Variants in BMP6 observed in about 807,000 individuals in gnomAD.
BMP6 encodes the protein bone morphogenetic protein 6.
A neutral mutation model predicts 54.1 loss-of-function variants in BMP6; 17 were observed. The observed-to-expected ratio is 0.31, with a 90% CI of 0.22 to 0.47. The LOEUF is 0.47. BMP6 is among the 20% of genes least tolerant of loss of function. The pLI, the probability that BMP6 is intolerant of heterozygous loss-of-function variation, is 1.00. For synonymous variants in BMP6, 328 were observed against 291.2 expected (o/e 1.13, Z -1.28); for missense variants, 720 against 690.4 (o/e 1.04, Z -0.48).
chr6:7,840,852 G>A (rs866604008), intron 1 of BMP6, among the ~76,000 whole-genome samples: 1 of 152,158 alleles, frequency 6.6e-6, no homozygotes, highest in South Asian at 2.1e-4. Flanking sequence ...GCATTCAGGA[G>A]CCAGCCACCA....
chr6:7,835,245 C>G (rs1296137444), intron 1 of BMP6, among the ~76,000 whole-genome samples: 1 of 152,192 alleles, frequency 6.6e-6, no homozygotes, highest in Non-Finnish European at 1.5e-5. Context: ...GCCTCAGCCT[C>G]CCGAGTAGCT....
In BMP6 at chr6:7,880,920, G is replaced by C. The variant is rs537618143; in HGVS notation, c.*577G>C. On this transcript the variant is annotated 3_prime_UTR_variant, in exon 7 of 7. Transcript: ENST00000283147. ...TCATTGCTGTTGTATGTTCGTGCTG[G>C]AGTTTTGTTGGTGTGAAAATACACT... is the stretch of plus-strand genomic sequence containing the variant. The C allele has an allele frequency of 6.5e-6, 1 of 154,706 alleles. No homozygotes were observed. Among genetic ancestry groups the C allele is most frequent in the South Asian group, 2.0e-4 (1 of 4,976 alleles). 9.6% of individuals were successfully genotyped at this position (154,706 alleles called of 1,614,324 possible). A position where few individuals can be genotyped will look rare whatever the true frequency, so the allele number is the denominator to read the frequency against.
intron 4 of BMP6, among the ~76,000 whole-genome samples, chr6:7,877,476 A>G (rs1759638867): frequency 6.6e-6 from 1 of 152,054 alleles, no homozygotes; most frequent in Non-Finnish European, 1.5e-5. Flanking sequence ...ACAAAAAATT[A>G]GCTGGGCATG....
chr6:7,837,881 T>G lies in BMP6; in HGVS notation c.665-7259T>G, dbSNP rs573996698. Among the ~76,000 whole-genome samples, 7 of 152,206 alleles carry G rather than the reference T, an allele frequency of 4.6e-5. No individual in the cohort carries two copies. The East Asian group carries it at 1.4e-3, about 29-fold the overall frequency. On this transcript the variant is annotated intron_variant, in intron 1 of 6. Coordinates refer to ENST00000283147, the MANE Select transcript of BMP6 (RefSeq NM_001718.6). ...TCTAGAAAACAGACTTAAAAAGAAA[T>G]AGGTTCAATATTTCTATGTTTAAAG...
intron 1 of BMP6, among the ~76,000 whole-genome samples, chr6:7,772,387 A>T (rs1323594166): frequency 1.3e-5 from 2 of 152,212 alleles, no homozygotes; most frequent in African/African-American, 4.8e-5. Flanking sequence ...CCACGGCCCA[A>T]TCTGTCAGTA....
chr6:7,862,075 C>T (rs1003091058), intron 3 of BMP6, among the ~76,000 whole-genome samples: 6 of 152,142 alleles, frequency 3.9e-5, no homozygotes, highest in African/African-American at 9.7e-5. Flanking sequence ...CAGGAGTTCA[C>T]GCCACTCCTT....
chr6:7,830,406 C>A (rs1758776172), intron 1 of BMP6, among the ~76,000 whole-genome samples: 1 of 152,130 alleles, frequency 6.6e-6, no homozygotes, highest in Non-Finnish European at 1.5e-5. Flanking sequence ...TCACTGATTT[C>A]CCCAGCCTCT....
intron 1 of BMP6, among the ~76,000 whole-genome samples, chr6:7,790,198 C>T (rs1032092909): frequency 4.6e-5 from 7 of 152,138 alleles, no homozygotes; most frequent in South Asian, 2.1e-4. Flanking sequence ...GAACGTGGGC[C>T]GCTTATTTTG....
chr6:7,755,683 G>A (rs1410328979), intron 1 of BMP6, among the ~76,000 whole-genome samples: 1 of 151,544 alleles, frequency 6.6e-6, no homozygotes, highest in East Asian at 1.9e-4. Flanking sequence ...CTAGAATCAT[G>A]TTCCTTCTGC....
intron 1 of BMP6, among the ~76,000 whole-genome samples, chr6:7,804,284 C>CT (rs35888811): frequency 0.3 from 44,386 of 149,290 alleles, 6,839 homozygotes; most frequent in East Asian, 0.55. Context: ...GTTAAAGTAA[C>CT]TTTTTTTTTT....
At chr6:7,856,946 T>G (rs954012747) in intron 2 of BMP6, among the ~76,000 whole-genome samples, 1 of 152,202 alleles carries the variant, frequency 6.6e-6, no homozygotes. Flanking sequence ...TGTTGTACTT[T>G]GACCCCGGCA....
intron 1 of BMP6, among the ~76,000 whole-genome samples, chr6:7,729,153 T>C (rs1014111552): frequency 6.6e-6 from 1 of 152,182 alleles, no homozygotes; most frequent in African/African-American, 2.4e-5. Flanking sequence ...TTGAGCCACC[T>C]CCAGGAAGCA....
chr6:7,737,500 ACT>A (rs201783572), intron 1 of BMP6, among the ~76,000 whole-genome samples: 1,936 of 151,810 alleles, frequency 0.013, 36 homozygotes, highest in African/African-American at 0.037. Context: ...TCTAACACCA[ACT>A]CTTGATTTGT....
chr6:7,814,030 G>A (rs1223038304), intron 1 of BMP6, among the ~76,000 whole-genome samples: 3 of 152,152 alleles, frequency 2.0e-5, no homozygotes, highest in African/African-American at 7.2e-5. Context: ...CTGTCAGCCA[G>A]GGCTGCTCTC....
At chr6:7,802,671 C>T (rs748470900) in intron 1 of BMP6, among the ~76,000 whole-genome samples, 4 of 152,198 alleles carry the variant, frequency 2.6e-5, no homozygotes, top group Non-Finnish European at 4.4e-5. Context: ...ACAACCTATG[C>T]ACCTTCTGAG....
intron 6 of BMP6, 32 bp from the exon 7 acceptor site, chr6:7,880,162 A>G: frequency 6.2e-7 from 1 of 1,614,006 alleles, no homozygotes; most frequent in Non-Finnish European, 8.5e-7. Flanking sequence ...TGTCATTTCT[A>G]AGGTACCTTC....
At chr6:7,876,295 G>GT (rs1581294544) in intron 4 of BMP6, among the ~76,000 whole-genome samples, 1 of 152,094 alleles carries the variant, frequency 6.6e-6, no homozygotes, top group African/African-American at 2.4e-5. Context: ...AAGAATTTAT[G>GT]TGTTTGATAT....
chr6:7,769,956 C>T (rs1581240045), intron 1 of BMP6, among the ~76,000 whole-genome samples: 2 of 152,216 alleles, frequency 1.3e-5, no homozygotes, highest in East Asian at 3.9e-4. Flanking sequence ...AACCCTTAGT[C>T]ATCATATATA....
At chr6:7,738,726 G>C (rs911749) in intron 1 of BMP6, among the ~76,000 whole-genome samples, 2 of 152,180 alleles carry the variant, frequency 1.3e-5, no homozygotes, top group South Asian at 4.1e-4. Flanking sequence ...ACACATTGAC[G>C]TATAAGGAAC....
Sources: gnomAD v4.1 joint callset for allele counts (sites outside exome capture counted in the v4.1 genomes callset) on GRCh38, gnomAD v4.1.1 for gene constraint, MANE v1.5 for transcripts, NCBI Gene and HGNC (gene_info 2026-07-23, HGNC 2026-07-21) for gene names.